STK32A: variants seen among roughly 807,000 people sequenced by gnomAD.
STK32A encodes serine/threonine kinase 32A.
Under a neutral mutation model 53.2 loss-of-function variants are expected in STK32A, and 41 were observed. The ratio of observed to expected loss-of-function variants is 0.77; its 90% confidence interval spans 0.60 to 1.00. The LOEUF (loss-of-function observed/expected upper bound fraction) is 1.00, where lower values mean the gene tolerates loss of function less well. Ranked by LOEUF, STK32A falls within the 50% of genes least tolerant of loss-of-function variation. STK32A has a pLI of 0.00. For missense variants in STK32A, 458 were observed against 485.8 expected (o/e 0.94, Z 0.54); for synonymous variants, 166 against 162.8 (o/e 1.02, Z -0.15).
At chr5:147,357,577 T>C (rs923264791) in intron 7 of STK32A, among the ~76,000 whole-genome samples, 1 of 152,100 alleles carries the variant, frequency 6.6e-6, no homozygotes, top group African/African-American at 2.4e-5. Context: ...GTTGCTGTTT[T>C]ATGGCCTAGT....
At chr5:147,330,241 A>G (rs1754800439) in intron 5 of STK32A, among the ~76,000 whole-genome samples, 1 of 152,334 alleles carries the variant, frequency 6.6e-6, no homozygotes, top group Admixed American at 6.5e-5. Flanking sequence ...GAATGTTGGC[A>G]GGAGGTATTT....
At chr5:147,280,079 C>T (rs138107788) in intron 4 of STK32A, among the ~76,000 whole-genome samples, 9 of 152,064 alleles carry the variant, frequency 5.9e-5, no homozygotes, top group Non-Finnish European at 8.8e-5. Context: ...GTGAAATACA[C>T]GGGGAGAAGA....
chr5:147,280,165 G>C (rs541736993), intron 4 of STK32A, among the ~76,000 whole-genome samples: 3 of 152,066 alleles, frequency 2.0e-5, no homozygotes, highest in Non-Finnish European at 4.4e-5. Flanking sequence ...GGATCCAATG[G>C]GAGAGGAGCG....
Position 147,373,188 on chromosome 5 carries a change from A to G in STK32A, c.797A>G (p.Asp266Gly). Residue 266 changes from aspartate to glycine, a missense_variant, in exon 10 of 13, where the codon GAC becomes GGC. Transcript: ENST00000397936. ...LLKKLLEPNP[D>G]QRFSQLSDVQ... The stretch of plus-strand genomic sequence containing the variant: ...TGGCAGCTACTCGAACCTAATCCAG[A>G]CCAACGATTTTCTCAGTTATCTGAT... 1 of 1,613,306 alleles carries G rather than the reference A, an allele frequency of 6.2e-7. No individual in the cohort carries two copies. Among genetic ancestry groups the G allele is most frequent in the Non-Finnish European group, 8.5e-7 (1 of 1,179,510 alleles).
At chr5:147,328,620 T>A (rs1265728629) in intron 5 of STK32A, among the ~76,000 whole-genome samples, 1 of 152,198 alleles carries the variant, frequency 6.6e-6, no homozygotes, top group Non-Finnish European at 1.5e-5. Flanking sequence ...AAGTATAATA[T>A]TCTCTTTTGC....
At chr5:147,349,873 A>G (rs1334651107) in intron 6 of STK32A, among the ~76,000 whole-genome samples, 5 of 152,088 alleles carry the variant, frequency 3.3e-5, no homozygotes, top group East Asian at 1.9e-4. Flanking sequence ...ACACTTTCAG[A>G]GGCCGAGGCA....
chr5:147,282,557 C>T (rs937594302), intron 4 of STK32A, among the ~76,000 whole-genome samples: 2 of 152,230 alleles, frequency 1.3e-5, no homozygotes, highest in Non-Finnish European at 2.9e-5. Context: ...TCACCTAGTA[C>T]ATAAGTACTC....
chr5:147,304,028 G>A (rs1217145518), intron 4 of STK32A, among the ~76,000 whole-genome samples: 1 of 152,178 alleles, frequency 6.6e-6, no homozygotes, highest in African/African-American at 2.4e-5. Flanking sequence ...AAACTCACTG[G>A]ATGGATATGG....
At chr5:147,250,184 G>C (rs919942924) in intron 2 of STK32A, among the ~76,000 whole-genome samples, 2 of 152,050 alleles carry the variant, frequency 1.3e-5, no homozygotes, top group African/African-American at 4.8e-5. Flanking sequence ...AGGGGTTTGG[G>C]ACCCTGCTCA....
At chr5:147,269,291 G>T (rs929928071) in intron 2 of STK32A, among the ~76,000 whole-genome samples, 2 of 152,066 alleles carry the variant, frequency 1.3e-5, no homozygotes, top group Non-Finnish European at 2.9e-5. Context: ...GGCAACCTTG[G>T]GCTTCTTTCT....
intron 5 of STK32A, 129 bp downstream of exon 5, chr5:147,324,200 G>A (rs1423948397): frequency 1.0e-6 from 1 of 984,414 alleles, no homozygotes; most frequent in African/African-American, 1.6e-5. Context: ...GTACCCTGAG[G>A]TAGGTTGATT....
At chr5:147,388,980 G>T (rs568650688), downstream of STK32A, among the ~76,000 whole-genome samples, 1 of 152,090 alleles carries the variant, frequency 6.6e-6, no homozygotes, top group Non-Finnish European at 1.5e-5. Flanking sequence ...CATAAAATGG[G>T]GCTATAAACC....
At chr5:147,337,475 T>C (rs1375830094) in intron 5 of STK32A, among the ~76,000 whole-genome samples, 2 of 151,988 alleles carry the variant, frequency 1.3e-5, no homozygotes, top group Non-Finnish European at 2.9e-5. Flanking sequence ...GGGGTGGGGA[T>C]TGGTTGTTTT....
chr5:147,312,075 A>G (rs1209593447), intron 4 of STK32A, among the ~76,000 whole-genome samples: 2 of 151,908 alleles, frequency 1.3e-5, no homozygotes, highest in South Asian at 2.1e-4. Context: ...CAAGTTTCTT[A>G]TTGCTAAAAT....
intron 8 of STK32A, among the ~76,000 whole-genome samples, chr5:147,364,789 C>T (rs140218331): frequency 1.3e-5 from 2 of 152,196 alleles, no homozygotes; most frequent in African/African-American, 4.8e-5. Context: ...CTAATCTAAC[C>T]CTAATTACCT....
chr5:147,240,316 C>G (rs887221590), intron 2 of STK32A, among the ~76,000 whole-genome samples: 1 of 152,128 alleles, frequency 6.6e-6, no homozygotes, highest in Non-Finnish European at 1.5e-5. Flanking sequence ...TAAGTCTGAA[C>G]AGCATTGGCG....
intron 8 of STK32A, among the ~76,000 whole-genome samples, chr5:147,363,167 G>A (rs1261992831): frequency 6.6e-6 from 1 of 152,094 alleles, no homozygotes; most frequent in Non-Finnish European, 1.5e-5. Flanking sequence ...CATAGCTGTG[G>A]GATAGAGAAT....
At chr5:147,372,990 A>T (rs1282343255) in intron 9 of STK32A, among the ~76,000 whole-genome samples, 179 bp from the exon 10 acceptor site, 1 of 152,142 alleles carries the variant, frequency 6.6e-6, no homozygotes, top group African/African-American at 2.4e-5. Flanking sequence ...ACATTGCAGA[A>T]TCCTACATAC....
chr5:147,397,740 G>A, the STK32A span: 1 of 1,614,134 alleles, frequency 6.2e-7, no homozygotes, highest in Non-Finnish European at 8.5e-7. Flanking sequence ...CCAGCCCCCT[G>A]GGTCACGTGC....
Sources: allele counts gnomAD v4.1 joint callset (sites outside exome capture counted in the v4.1 genomes callset), GRCh38; gene constraint gnomAD v4.1.1; transcripts MANE v1.5; gene names NCBI Gene and HGNC (gene_info 2026-07-23, HGNC 2026-07-21).